Variants in CDH13 observed in about 807,000 individuals in gnomAD.
CDH13 encodes cadherin 13.
A neutral mutation model predicts 63.8 loss-of-function variants in CDH13; 24 were observed. That is an observed-to-expected ratio of 0.38 (90% confidence interval 0.27 to 0.53). CDH13 has a LOEUF of 0.53. Among genes scored for constraint, CDH13 ranks in the 20% least tolerant of loss-of-function variants. The pLI is 0.85. For missense variants in CDH13, 1,049 were observed against 903.1 expected (o/e 1.16, Z -2.07); for synonymous variants, 503 against 355.3 (o/e 1.42, Z -4.67).
intron 4 of CDH13, among the ~76,000 whole-genome samples, chr16:83,146,298 C>G (rs1478390755): frequency 2.0e-5 from 3 of 152,204 alleles, no homozygotes; most frequent in African/African-American, 7.2e-5. Flanking sequence ...TGCAGAGGCC[C>G]TGGTAGTTGA....
At chr16:82,817,079 G>C (rs961704746) in intron 1 of CDH13, among the ~76,000 whole-genome samples, 2 of 152,100 alleles carry the variant, frequency 1.3e-5, no homozygotes, top group African/African-American at 2.4e-5. Context: ...GCATTGGTCA[G>C]ATTGAGGCTA....
chr16:83,775,275 G>A (rs946666647), intron 11 of CDH13, among the ~76,000 whole-genome samples: 5 of 151,728 alleles, frequency 3.3e-5, no homozygotes, highest in Admixed American at 1.3e-4. Context: ...GCGTGTCTGT[G>A]GACTCTTCAG....
chr16:83,152,167 C>A (rs2037010493), intron 4 of CDH13, among the ~76,000 whole-genome samples: 1 of 152,156 alleles, frequency 6.6e-6, no homozygotes, highest in Non-Finnish European at 1.5e-5. Flanking sequence ...ATACTCAAAA[C>A]TGTGGGAAAT....
Position 82,835,705 on chromosome 16 carries a change from A to G in CDH13, c.46-22657A>G, listed in dbSNP as rs1171739515. ...TCCCTGCTCCTGTTCTCTAGATAGA[A>G]GTTTCCCTAGTTTTGCTGGTCTCAA... is the stretch of plus-strand genomic sequence containing the variant. On this transcript the variant is annotated intron_variant, in intron 1 of 13. Transcript: ENST00000567109. Among the ~76,000 whole-genome samples, 10 of 152,292 alleles carry G rather than the reference A, an allele frequency of 6.6e-5. No homozygotes were observed. The East Asian group carries it at 1.9e-3, about 29-fold the overall frequency.
intron 13 of CDH13, among the ~76,000 whole-genome samples, chr16:83,793,346 G>C (rs1738938915): frequency 6.6e-6 from 1 of 152,186 alleles, no homozygotes; most frequent in South Asian, 2.1e-4. Flanking sequence ...CCTAGAGCCA[G>C]AGCCTCTCCC....
At chr16:82,880,539 G>A (rs1303373455) in intron 2 of CDH13, among the ~76,000 whole-genome samples, 1 of 152,074 alleles carries the variant, frequency 6.6e-6, no homozygotes, top group Non-Finnish European at 1.5e-5. Flanking sequence ...CTTTGTTTTT[G>A]GACCTTTGCC....
intron 8 of CDH13, among the ~76,000 whole-genome samples, chr16:83,648,054 T>A (rs1221252042): frequency 6.6e-6 from 1 of 152,222 alleles, no homozygotes; most frequent in African/African-American, 2.4e-5. Context: ...GTTCCCTGAC[T>A]TAGAACCTCT....
chr16:83,115,088 G>T (rs1239535245), intron 3 of CDH13, among the ~76,000 whole-genome samples: 1 of 152,196 alleles, frequency 6.6e-6, no homozygotes, highest in African/African-American at 2.4e-5. Context: ...TGAATAAATG[G>T]ATCAAAGGAC....
chr16:82,731,121 A>G (rs1962340388), intron 1 of CDH13, among the ~76,000 whole-genome samples: 1 of 152,190 alleles, frequency 6.6e-6, no homozygotes, highest in Non-Finnish European at 1.5e-5. Flanking sequence ...TATTTATATG[A>G]CAGGAACTGG....
chr16:82,956,748 T>G (rs1419997958), intron 2 of CDH13, among the ~76,000 whole-genome samples: 1 of 152,206 alleles, frequency 6.6e-6, no homozygotes, highest in Non-Finnish European at 1.5e-5. Flanking sequence ...TTCTTTCACA[T>G]TGGAAAGTTT....
At chr16:82,681,623 A>G (rs61698213) in intron 1 of CDH13, among the ~76,000 whole-genome samples, 2,453 of 152,228 alleles carry the variant, frequency 0.016, 47 homozygotes, top group African/African-American at 0.049. Context: ...ACCTGGCGGG[A>G]GTGGTAGCGG....
intron 6 of CDH13, among the ~76,000 whole-genome samples, chr16:83,350,313 A>G (rs1174354710): frequency 1.3e-5 from 2 of 152,220 alleles, no homozygotes; most frequent in Non-Finnish European, 2.9e-5. Context: ...TGAGAAAGAT[A>G]GGTGGTGAGA....
At chr16:83,281,774 G>T (rs117294751) in intron 5 of CDH13, among the ~76,000 whole-genome samples, 1 of 151,554 alleles carries the variant, frequency 6.6e-6, no homozygotes, top group Non-Finnish European at 1.5e-5. Flanking sequence ...GTAGCCAAGC[G>T]TGGTGGCGCG....
chr16:83,525,112 G>C (rs1321521936), intron 7 of CDH13, among the ~76,000 whole-genome samples: 2 of 152,116 alleles, frequency 1.3e-5, no homozygotes, highest in African/African-American at 4.8e-5. Flanking sequence ...CTCTCTCCCG[G>C]TGTCCTTATA....
chr16:83,498,281 G>T (rs4782802), intron 7 of CDH13, among the ~76,000 whole-genome samples: 1 of 152,166 alleles, frequency 6.6e-6, no homozygotes, highest in African/African-American at 2.4e-5. Flanking sequence ...CCAGCATGGA[G>T]TGAAATAAGG....
Position 82,751,616 on chromosome 16 carries a change from C to T in CDH13, c.46-106746C>T, listed in dbSNP as rs2034418810. ...TCCTGGAAAGGTCAGACTTATCCTT[C>T]ATATATTCCATGCCTGAGAGAGCAC... On this transcript the variant is annotated intron_variant, in intron 1 of 13. Transcript: ENST00000567109. Among the ~76,000 whole-genome samples, 8 of 151,412 alleles carry T rather than the reference C, an allele frequency of 5.3e-5. No individual in the cohort carries two copies. The South Asian group carries it at 1.2e-3, about 24-fold the overall frequency.
chr16:83,086,791 C>G (rs1384079118), intron 3 of CDH13, among the ~76,000 whole-genome samples: 1 of 152,042 alleles, frequency 6.6e-6, no homozygotes, highest in Non-Finnish European at 1.5e-5. Flanking sequence ...AAACTGGGCA[C>G]AGTAAAATTT....
chr16:83,750,035 T>C (rs117318413), intron 11 of CDH13, among the ~76,000 whole-genome samples: 7,209 of 152,246 alleles, frequency 0.047, 285 homozygotes, highest in East Asian at 0.15. Context: ...CGGTGGCTCA[T>C]GCCTGTAGTC....
intron 5 of CDH13, among the ~76,000 whole-genome samples, chr16:83,270,684 G>T (rs544193886): frequency 2.6e-4 from 39 of 152,106 alleles, no homozygotes; most frequent in African/African-American, 8.9e-4. Flanking sequence ...CTTAGAGGAG[G>T]CTTCATATTT....
Sources: gnomAD v4.1 joint callset for allele counts (sites outside exome capture counted in the v4.1 genomes callset) on GRCh38, gnomAD v4.1.1 for gene constraint, MANE v1.5 for transcripts, NCBI Gene and HGNC (gene_info 2026-07-23, HGNC 2026-07-21) for gene names.